TENM4: variants seen among roughly 807,000 people sequenced by gnomAD.
TENM4 encodes teneurin transmembrane protein 4.
In TENM4, 82 loss-of-function variants were observed where a neutral mutation model predicts 243.3. The ratio of observed to expected loss-of-function variants is 0.34; its 90% confidence interval spans 0.28 to 0.40. TENM4 has a LOEUF of 0.40. TENM4 is among the 10% of genes least tolerant of loss of function. The probability of loss-of-function intolerance (pLI) is 1.00; values close to 1 mark genes in which losing one functional copy is unlikely to be tolerated. For synonymous variants in TENM4, 1,412 were observed against 1,456.3 expected (o/e 0.97, Z 0.69); for missense variants, 3,138 against 3,673.3 (o/e 0.85, Z 3.77).
At chr11:79,245,901 C>CT (rs1326336988) in intron 2 of TENM4, among the ~76,000 whole-genome samples, 1 of 139,010 alleles carries the variant, frequency 7.2e-6, no homozygotes, top group Non-Finnish European at 1.5e-5. Context: ...GATTGTGCCA[C>CT]TGCACTCCAG....
chr11:79,167,487 G>T (rs1210584125), intron 3 of TENM4, among the ~76,000 whole-genome samples: 1 of 152,156 alleles, frequency 6.6e-6, no homozygotes, highest in African/African-American at 2.4e-5. Flanking sequence ...ATTATCCCTA[G>T]TTACAAATAA....
intron 1 of TENM4, among the ~76,000 whole-genome samples, chr11:79,349,698 GC>G (rs1298427132): frequency 6.6e-6 from 1 of 152,168 alleles, no homozygotes; most frequent in Non-Finnish European, 1.5e-5. Flanking sequence ...AAAAAATAAG[GC>G]AGGGAAAGGG....
At chr11:79,245,848 G>C (rs1158377965) in intron 2 of TENM4, among the ~76,000 whole-genome samples, 1 of 149,264 alleles carries the variant, frequency 6.7e-6, no homozygotes, top group Non-Finnish European at 1.5e-5. Flanking sequence ...GTTGAGACAG[G>C]AGAATTGCTT....
intron 2 of TENM4, among the ~76,000 whole-genome samples, chr11:79,283,331 A>G (rs950234580): frequency 6.6e-6 from 1 of 152,130 alleles, no homozygotes; most frequent in African/African-American, 2.4e-5. Flanking sequence ...ATAACATTAA[A>G]TTGAATCCAA....
At chr11:78,995,981 T>C (rs560409543) in intron 6 of TENM4, among the ~76,000 whole-genome samples, 20 of 152,304 alleles carry the variant, frequency 1.3e-4, no homozygotes, top group South Asian at 1.2e-3. Context: ...AGATCGCTTA[T>C]GTAAGGTCAT....
chr11:79,179,003 A>G (rs1243286852), intron 3 of TENM4, among the ~76,000 whole-genome samples: 1 of 152,236 alleles, frequency 6.6e-6, no homozygotes, highest in Non-Finnish European at 1.5e-5. Context: ...GCCCTTATTT[A>G]CAAAAGACTC....
intron 2 of TENM4, among the ~76,000 whole-genome samples, chr11:79,247,437 A>G (rs59030957): frequency 0.01 from 1,489 of 144,952 alleles, 28 homozygotes; most frequent in African/African-American, 0.035. Flanking sequence ...AAAAAAAAAA[A>G]AAGAAGAAGA....
chr11:79,016,374 G>A (rs191594301), intron 6 of TENM4, among the ~76,000 whole-genome samples: 27 of 152,252 alleles, frequency 1.8e-4, no homozygotes, highest in Non-Finnish European at 4.0e-4. Flanking sequence ...GAAAAGGCGA[G>A]AATCAAAGAT....
intron 1 of TENM4, among the ~76,000 whole-genome samples, chr11:79,400,619 G>A (rs910163852): frequency 1.3e-5 from 2 of 152,150 alleles, no homozygotes; most frequent in South Asian, 2.1e-4. Flanking sequence ...CCCATCTAAT[G>A]CATCTTTAAG....
chr11:79,336,071 G>C (rs1394146641), intron 1 of TENM4, among the ~76,000 whole-genome samples: 1 of 131,878 alleles, frequency 7.6e-6, no homozygotes, highest in Non-Finnish European at 1.7e-5. Flanking sequence ...CAGGGGACTT[G>C]AATCCAGGCC....
Position 78,738,474 on chromosome 11 carries a change from A to G in TENM4, c.2853T>C (p.Tyr951=). The G allele has an allele frequency of 6.2e-7, 1 of 1,613,896 alleles. No homozygotes were observed. The highest frequency in any genetic ancestry group is 8.5e-7 in the Non-Finnish European group (1 of 1,179,834). ...ACCTGCCATCTTGCCTGCTGATTGT[A>G]TATCCAAAGAGAGGGTTATTGACAA... ...ISFVNNPLFG[Y]TISRQDGSFD... The change falls in exon 20 of 34, where the codon TAT becomes TAC. Residue 951 remains tyrosine (Y), a synonymous_variant. Coordinates refer to ENST00000278550, the MANE Select transcript of TENM4 (RefSeq NM_001098816.3).
intron 4 of TENM4, among the ~76,000 whole-genome samples, chr11:79,090,457 AG>A (rs1860918446): frequency 6.6e-6 from 1 of 152,254 alleles, no homozygotes; most frequent in Admixed American, 6.5e-5. Context: ...TATGGCAGCA[AG>A]TGAAGAGGGC....
Position 78,879,525 on chromosome 11 carries a change from C to T in TENM4, c.1084+10260G>A, listed in dbSNP as rs75533001. ...GCAGCCCCGTCTGGGAACTGAGGAGCGCCTCTGCACGGCCGCCACCCTGTC... is the reference window on the plus strand; with the variant it reads ...GCAGCCCCGTCTGGGAACTGAGGAGTGCCTCTGCACGGCCGCCACCCTGTC... On this transcript the variant is annotated intron_variant, in intron 9 of 33. Coordinates refer to ENST00000278550, the MANE Select transcript of TENM4 (RefSeq NM_001098816.3). Among the ~76,000 whole-genome samples the T allele has an allele frequency of 8.7e-5, 11 of 126,992 alleles. No individual in the cohort carries two copies. In the South Asian group the frequency reaches 1.7e-3, roughly 19 times the overall value. The allele number at this position is 126,992 out of a possible 152,430, so 83.3% of individuals were successfully genotyped here. A position where few individuals can be genotyped will look rare whatever the true frequency, so the allele number is the denominator to read the frequency against.
At chr11:79,060,453 C>T (rs1485231062) in intron 6 of TENM4, among the ~76,000 whole-genome samples, 1 of 152,226 alleles carries the variant, frequency 6.6e-6, no homozygotes, top group African/African-American at 2.4e-5. Flanking sequence ...GCCTCTACCG[C>T]TATCAATACT....
intron 4 of TENM4, among the ~76,000 whole-genome samples, chr11:79,116,680 G>A (rs1861629205): frequency 6.6e-6 from 1 of 152,180 alleles, no homozygotes; most frequent in South Asian, 2.1e-4. Flanking sequence ...TTCTGAAAAT[G>A]AATCATCAAC....
intron 4 of TENM4, among the ~76,000 whole-genome samples, chr11:79,116,882 G>A (rs961891981): frequency 6.6e-6 from 1 of 152,150 alleles, no homozygotes; most frequent in African/African-American, 2.4e-5. Flanking sequence ...AAGAGAAATG[G>A]GGGGAAAGGT....
Position 79,155,610 on chromosome 11 carries a change from TTCCCTCCC to T in TENM4, c.-162-6812_-162-6805del, listed in dbSNP as rs373224176. 4.1e-5 allele frequency among the ~76,000 whole-genome samples: 6 copies of T among 147,852 alleles called. No homozygotes were observed. In the East Asian group the frequency reaches 1.0e-3, roughly 25 times the overall value. ...TTCCAAGTAGTTTAATGGTCCGCCT[TTCCCTCCC>T]TCCCTCCCTCCCTTCCATCCTTCCT... On this transcript the variant is annotated intron_variant, in intron 3 of 33. Transcript: ENST00000278550.
chr11:78,983,079 T>C (rs923221150), intron 6 of TENM4, among the ~76,000 whole-genome samples: 1 of 152,246 alleles, frequency 6.6e-6, no homozygotes, highest in Non-Finnish European at 1.5e-5. Flanking sequence ...GTATCTTTTC[T>C]TGAAGGCTCA....
At chr11:79,393,621 G>A (rs11237820) in intron 1 of TENM4, among the ~76,000 whole-genome samples, 13,130 of 152,294 alleles carry the variant, frequency 0.086, 604 homozygotes, top group Non-Finnish European at 0.11. Flanking sequence ...AAAAAGGCAG[G>A]CTGAGGAAAC....
Sources: gnomAD v4.1 joint callset for allele counts (sites outside exome capture counted in the v4.1 genomes callset) on GRCh38, gnomAD v4.1.1 for gene constraint, MANE v1.5 for transcripts, NCBI Gene and HGNC (gene_info 2026-07-23, HGNC 2026-07-21) for gene names.